TBC1D9: variants seen among roughly 807,000 people sequenced by gnomAD.
The protein encoded by TBC1D9 is TBC1 domain family member 9, also known as TBC1 domain family member 9A.
A neutral mutation model predicts 132.0 loss-of-function variants in TBC1D9; 63 were observed. That is an observed-to-expected ratio of 0.48 (90% CI 0.39 to 0.59). The LOEUF (loss-of-function observed/expected upper bound fraction) is 0.59, where lower values mean the gene tolerates loss of function less well. Ranked by LOEUF, TBC1D9 falls within the 20% of genes least tolerant of loss-of-function variation. The probability of loss-of-function intolerance (pLI) is 0.00; values close to 1 mark genes in which losing one functional copy is unlikely to be tolerated. For missense variants in TBC1D9, 1,261 were observed against 1,592.7 expected (o/e 0.79, Z 3.54); for synonymous variants, 610 against 609.9 (o/e 1.00, Z 0.00).
intron 1 of TBC1D9, among the ~76,000 whole-genome samples, chr4:140,718,379 A>T (rs1160399071): frequency 6.6e-6 from 1 of 152,006 alleles, no homozygotes. Flanking sequence ...CAAAAGTGTG[A>T]GGATCTCTGG....
intron 4 of TBC1D9, 54 bp downstream of exon 4, chr4:140,679,561 G>A: frequency 1.5e-6 from 2 of 1,335,506 alleles, no homozygotes; most frequent in Non-Finnish European, 1.1e-6. Context: ...ATGAGTTCAG[G>A]GCAAACCTCA....
chr4:140,670,783 C>T lies in TBC1D9; in HGVS notation c.1203G>A (p.Gln401=). 1 of 1,614,008 alleles carries T rather than the reference C, an allele frequency of 6.2e-7. No individual in the cohort carries two copies. Among genetic ancestry groups the T allele is most frequent in the Non-Finnish European group, 8.5e-7 (1 of 1,179,896 alleles). Residue 401 remains glutamine, a synonymous_variant, in exon 7 of 21, where the codon CAG becomes CAA. Coordinates refer to ENST00000442267, the MANE Select transcript of TBC1D9 (RefSeq NM_015130.3). The part of the protein sequence containing the change: ...LVQRISDFLQ[Q]TTSKIYSDKE... Reference sequence around the variant, plus strand: ...TGTCAGAATATATTTTGGAAGTAGTCTGTTGCAGGAAATCTGAGATCCTCT... The same window carrying T: ...TGTCAGAATATATTTTGGAAGTAGTTTGTTGCAGGAAATCTGAGATCCTCT...
At chr4:140,653,857 G>A (rs1386149446) in intron 13 of TBC1D9, among the ~76,000 whole-genome samples, 1 of 152,212 alleles carries the variant, frequency 6.6e-6, no homozygotes, top group African/African-American at 2.4e-5. Context: ...TCCTGTGATA[G>A]GATGTCTGGC....
At chr4:140,738,944 A>T (rs1738717491) in intron 1 of TBC1D9, among the ~76,000 whole-genome samples, 1 of 152,196 alleles carries the variant, frequency 6.6e-6, no homozygotes, top group Non-Finnish European at 1.5e-5. Context: ...AAAACATGGG[A>T]GAAGGGAGAA....
At chr4:140,629,628 C>T (rs757841327) in intron 16 of TBC1D9, among the ~76,000 whole-genome samples, 1 of 152,168 alleles carries the variant, frequency 6.6e-6, no homozygotes, top group Non-Finnish European at 1.5e-5. Context: ...CTATTATTAT[C>T]CACATCTACC....
chr4:140,747,546 G>A (rs1192951551), intron 1 of TBC1D9, among the ~76,000 whole-genome samples: 1 of 151,812 alleles, frequency 6.6e-6, no homozygotes, highest in Non-Finnish European at 1.5e-5. Flanking sequence ...TATACAAACT[G>A]GACAAAATAT....
chr4:140,745,130 T>C (rs1397129905), intron 1 of TBC1D9, among the ~76,000 whole-genome samples: 1 of 152,166 alleles, frequency 6.6e-6, no homozygotes, highest in Non-Finnish European at 1.5e-5. Context: ...TTACATATAC[T>C]GATGTCTTAT....
chr4:140,667,249 G>A (rs1054601170), intron 9 of TBC1D9, among the ~76,000 whole-genome samples: 4 of 152,208 alleles, frequency 2.6e-5, no homozygotes, highest in Admixed American at 1.3e-4. Flanking sequence ...ACCACCCTGC[G>A]GTCTCACATG....
Position 140,752,227 on chromosome 4 carries a change from T to G in TBC1D9, c.130+3689A>C, listed in dbSNP as rs1292915286. Among the ~76,000 whole-genome samples the G allele has an allele frequency of 5.3e-5, 8 of 152,032 alleles. No individual in the cohort carries two copies. In the South Asian group the frequency reaches 1.7e-3, roughly 32 times the overall value. On this transcript the variant is annotated intron_variant, in intron 1 of 20. Transcript: ENST00000442267. Reference sequence around the variant, plus strand: ...AAATTGTGGTATACTCATATCATAGTTTTCTACACAGAACAGAAAAATGAA... The same window carrying G: ...AAATTGTGGTATACTCATATCATAGGTTTCTACACAGAACAGAAAAATGAA...
chr4:140,642,961 G>C, intron 13 of TBC1D9: 3 of 646,682 alleles, frequency 4.6e-6, no homozygotes, highest in Non-Finnish European at 5.3e-6. Context: ...TCCTTGTACT[G>C]GTGCTGGACC....
chr4:140,670,563 A>G, intron 7 of TBC1D9, 157 bp downstream of exon 7: 1 of 620,046 alleles, frequency 1.6e-6, no homozygotes. Context: ...ATGACCCCAA[A>G]TACAAAGTCC....
At chr4:140,645,498 C>A (rs1294797236) in intron 13 of TBC1D9, 2 of 374,880 alleles carry the variant, frequency 5.3e-6, no homozygotes, top group Admixed American at 3.4e-5. Flanking sequence ...TTTTAACTAC[C>A]CCTAAGCCAC....
intron 1 of TBC1D9, among the ~76,000 whole-genome samples, chr4:140,724,638 T>C (rs932169574): frequency 2.1e-5 from 3 of 145,718 alleles, no homozygotes; most frequent in African/African-American, 7.6e-5. Context: ...TAAGAGAAAT[T>C]GGAAAAAAAA....
chr4:140,651,473 A>G (rs1034007477), intron 13 of TBC1D9, among the ~76,000 whole-genome samples: 3 of 152,236 alleles, frequency 2.0e-5, no homozygotes, highest in Non-Finnish European at 4.4e-5. Flanking sequence ...AATAACAACA[A>G]AACAATCTCA....
At chr4:140,737,659 A>G (rs1738697279) in intron 1 of TBC1D9, among the ~76,000 whole-genome samples, 1 of 152,208 alleles carries the variant, frequency 6.6e-6, no homozygotes, top group Non-Finnish European at 1.5e-5. Context: ...TACAAAGTGA[A>G]CTGAACATTT....
At chr4:140,724,008 G>A (rs996351435) in intron 1 of TBC1D9, among the ~76,000 whole-genome samples, 6 of 152,160 alleles carry the variant, frequency 3.9e-5, no homozygotes, top group Non-Finnish European at 7.3e-5. Context: ...CTCCCAAAGC[G>A]CTGGGATTAC....
chr4:140,652,594 G>A (rs190968997), intron 13 of TBC1D9, among the ~76,000 whole-genome samples: 1 of 152,302 alleles, frequency 6.6e-6, no homozygotes, highest in Admixed American at 6.5e-5. Flanking sequence ...ATGCAAGGGA[G>A]CTCTTCCTTG....
At chr4:140,673,371 A>C (rs946131250) in intron 6 of TBC1D9, among the ~76,000 whole-genome samples, 2 of 152,134 alleles carry the variant, frequency 1.3e-5, no homozygotes, top group African/African-American at 4.8e-5. Context: ...TGGTCTATAC[A>C]ATCTTAAAAG....
At chr4:140,718,284 T>G (rs1253286205) in intron 1 of TBC1D9, among the ~76,000 whole-genome samples, 1 of 149,448 alleles carries the variant, frequency 6.7e-6, no homozygotes, top group Admixed American at 6.7e-5. Context: ...GCTATGCACA[T>G]TGGGAGGTGA....
Sources: allele counts gnomAD v4.1 joint callset (sites outside exome capture counted in the v4.1 genomes callset), GRCh38; gene constraint gnomAD v4.1.1; transcripts MANE v1.5; gene names NCBI Gene and HGNC (gene_info 2026-07-23, HGNC 2026-07-21).